The following SGIP1 variants were observed in gnomAD, a reference collection of about 807,000 sequenced individuals.
The protein encoded by SGIP1 is SH3-containing GRB2-like protein 3-interacting protein 1.
Under a neutral mutation model 107.5 loss-of-function variants are expected in SGIP1, and 38 were observed. That is an observed-to-expected ratio of 0.35 (90% CI 0.27 to 0.46). SGIP1 has a LOEUF of 0.46. Among genes scored for constraint, SGIP1 ranks in the 20% least tolerant of loss-of-function variants. The pLI is 1.00. For synonymous variants in SGIP1, 365 were observed against 366.1 expected (o/e 1.00, Z 0.03); for missense variants, 929 against 1,019.5 (o/e 0.91, Z 1.21).
intron 1 of SGIP1, among the ~76,000 whole-genome samples, chr1:66,587,496 T>C (rs2062820933): frequency 6.6e-6 from 1 of 152,140 alleles, no homozygotes; most frequent in Admixed American, 6.6e-5. Flanking sequence ...ATTATTCAGA[T>C]GAAATAAATC....
intron 19 of SGIP1, among the ~76,000 whole-genome samples, chr1:66,728,663 T>C (rs1449234352): frequency 6.6e-6 from 1 of 152,220 alleles, no homozygotes; most frequent in Non-Finnish European, 1.5e-5. Flanking sequence ...GTATGTTCAT[T>C]GCAGTACTCT....
At chr1:66,691,120 T>A (rs2089740761) in intron 17 of SGIP1, among the ~76,000 whole-genome samples, 1 of 152,198 alleles carries the variant, frequency 6.6e-6, no homozygotes, top group African/African-American at 2.4e-5. Flanking sequence ...ATTCCATTTT[T>A]CCCATGGGAT....
intron 3 of SGIP1, among the ~76,000 whole-genome samples, chr1:66,633,360 C>A (rs1421072782): frequency 6.6e-6 from 1 of 152,164 alleles, no homozygotes; most frequent in African/African-American, 2.4e-5. Flanking sequence ...ACAGTTCACG[C>A]AGGGGCTGCT....
chr1:66,607,437 C>T (rs2067077409), intron 1 of SGIP1, among the ~76,000 whole-genome samples: 1 of 152,288 alleles, frequency 6.6e-6, no homozygotes. Flanking sequence ...TGGCCACTAG[C>T]TGAATGACAG....
At chr1:66,729,221 A>G (rs369798943) in intron 19 of SGIP1, 43 bp from the exon 20 acceptor site, 5 of 1,598,628 alleles carry the variant, frequency 3.1e-6, no homozygotes, top group Non-Finnish European at 4.3e-6. Flanking sequence ...GTGTATTGAC[A>G]TGGATTTTCT....
intron 7 of SGIP1, among the ~76,000 whole-genome samples, chr1:66,645,267 G>A (rs753553166): frequency 1.3e-5 from 2 of 152,148 alleles, no homozygotes; most frequent in East Asian, 1.9e-4. Flanking sequence ...GATGTTTGCC[G>A]GAATGTAGCT....
At chr1:66,696,177 T>G (rs1277276806) in intron 18 of SGIP1, among the ~76,000 whole-genome samples, 1 of 152,212 alleles carries the variant, frequency 6.6e-6, no homozygotes, top group East Asian at 1.9e-4. Context: ...TGTTATATTC[T>G]GCATAAAGGG....
intron 1 of SGIP1, among the ~76,000 whole-genome samples, chr1:66,565,158 C>G (rs1360323902): frequency 6.6e-6 from 1 of 151,964 alleles, no homozygotes; most frequent in Admixed American, 6.6e-5. Context: ...TGGGGAAAAA[C>G]GTTTCTGCTA....
At chr1:66,700,652 T>C (rs2091775674) in intron 18 of SGIP1, among the ~76,000 whole-genome samples, 1 of 152,176 alleles carries the variant, frequency 6.6e-6, no homozygotes, top group South Asian at 2.1e-4. Context: ...AATTAGCATA[T>C]CCATCATCTC....
At chr1:66,633,033 C>A (rs533176389) in intron 2 of SGIP1, 37 bp from the exon 3 acceptor site, 3 of 1,366,242 alleles carry the variant, frequency 2.2e-6, no homozygotes, top group African/African-American at 1.4e-5. Context: ...AAGAATGATT[C>A]CTTATCATAA....
intron 1 of SGIP1, among the ~76,000 whole-genome samples, chr1:66,564,517 G>A (rs2059392149): frequency 6.6e-6 from 1 of 151,888 alleles, no homozygotes; most frequent in Admixed American, 6.6e-5. Flanking sequence ...AGCAGGCGTG[G>A]AAATACATAT....
In SGIP1 at chr1:66,744,811, C is replaced by A. The variant is rs1440687247; in HGVS notation, c.*1716C>A. ...TACTATTCAACAAACTCTCAGTTGG[C>A]CCCCTACAGCAGTCTGGTGTTGAAG... On this transcript the variant is annotated 3_prime_UTR_variant, in exon 25 of 25. Coordinates refer to ENST00000371037, the MANE Select transcript of SGIP1 (RefSeq NM_032291.4). 1 of 152,360 alleles carries A rather than the reference C, an allele frequency of 6.6e-6. No homozygotes were observed. Among genetic ancestry groups the A allele is most frequent in the Non-Finnish European group, 1.5e-5 (1 of 67,900 alleles). 9.4% of individuals were successfully genotyped at this position (152,360 alleles called of 1,614,324 possible).
intron 18 of SGIP1, among the ~76,000 whole-genome samples, chr1:66,701,387 T>G (rs1220279863): frequency 6.6e-6 from 1 of 152,200 alleles, no homozygotes; most frequent in Non-Finnish European, 1.5e-5. Context: ...CAGCATTAAG[T>G]ACCAGGTTGG....
chr1:66,618,040 G>T (rs2069863613), intron 1 of SGIP1, among the ~76,000 whole-genome samples: 1 of 151,142 alleles, frequency 6.6e-6, no homozygotes, highest in Admixed American at 6.6e-5. Flanking sequence ...CAATATAATA[G>T]CTCCCATCTT....
At chr1:66,671,582 T>C (rs900166243) in intron 10 of SGIP1, among the ~76,000 whole-genome samples, 17 of 152,192 alleles carry the variant, frequency 1.1e-4, no homozygotes, top group Non-Finnish European at 1.5e-5. Context: ...GATTCATGTA[T>C]TACACATATG....
chr1:66,569,787 T>C (rs1232889120), intron 1 of SGIP1, among the ~76,000 whole-genome samples: 1 of 151,878 alleles, frequency 6.6e-6, no homozygotes, highest in East Asian at 1.9e-4. Flanking sequence ...GAAAATATTA[T>C]AGAAAATTAG....
intron 17 of SGIP1, 58 bp downstream of exon 17, chr1:66,690,374 G>T: frequency 5.0e-6 from 8 of 1,603,192 alleles, no homozygotes; most frequent in East Asian, 4.5e-5. Flanking sequence ...TATTTTTTAT[G>T]ATCTGAAATC....
intron 12 of SGIP1, among the ~76,000 whole-genome samples, chr1:66,675,537 CTTTCTTT>C (rs1248574617): frequency 9.2e-6 from 1 of 109,242 alleles, no homozygotes; most frequent in African/African-American, 4.1e-5. Flanking sequence ...TTTTCTTTTT[CTTTCTTT>C]TTTTTTTTTT....
chr1:66,636,057 A>G, intron 4 of SGIP1, 42 bp downstream of exon 4: 1 of 1,567,308 alleles, frequency 6.4e-7, no homozygotes, highest in Non-Finnish European at 8.8e-7. Flanking sequence ...AAAGGGTTAT[A>G]AAAAACAGTG....
Sources: gnomAD v4.1 joint callset for allele counts (sites outside exome capture counted in the v4.1 genomes callset) on GRCh38, gnomAD v4.1.1 for gene constraint, MANE v1.5 for transcripts, NCBI Gene and HGNC (gene_info 2026-07-23, HGNC 2026-07-21) for gene names.